Variants in AGBL1 observed in about 807,000 individuals in gnomAD.
AGBL1 encodes the protein cytosolic carboxypeptidase 4.
Under a neutral mutation model 118.9 loss-of-function variants are expected in AGBL1, and 130 were observed. The ratio of observed to expected loss-of-function variants is 1.09; its 90% confidence interval spans 0.95 to 1.26. The LOEUF (loss-of-function observed/expected upper bound fraction) is 1.26. AGBL1 is among the 50% of genes most tolerant of loss of function. AGBL1 has a pLI of 0.00. For synonymous variants in AGBL1, 555 were observed against 478.9 expected (o/e 1.16, Z -2.08); for missense variants, 1,584 against 1,298.1 (o/e 1.22, Z -3.38).
At chr15:86,861,620 A>G (rs1474402952) in intron 22 of AGBL1, among the ~76,000 whole-genome samples, 1 of 152,180 alleles carries the variant, frequency 6.6e-6, no homozygotes, top group Non-Finnish European at 1.5e-5. Context: ...GATGTTATCT[A>G]CTTCACAGAG....
chr15:86,899,244 A>T (rs2080177025), intron 22 of AGBL1, among the ~76,000 whole-genome samples: 1 of 152,232 alleles, frequency 6.6e-6, no homozygotes, highest in Admixed American at 6.5e-5. Context: ...GGGAACGTGG[A>T]TGGAGCTGAA....
At chr15:86,522,615 G>T (rs879619779) in intron 18 of AGBL1, among the ~76,000 whole-genome samples, 195 bp from the exon 19 acceptor site, 2 of 152,226 alleles carry the variant, frequency 1.3e-5, no homozygotes, top group Non-Finnish European at 2.9e-5. Flanking sequence ...TTTGGGGGTT[G>T]TGAATAATTA....
chr15:86,679,443 G>C (rs1261390078), intron 22 of AGBL1, among the ~76,000 whole-genome samples: 2 of 152,000 alleles, frequency 1.3e-5, no homozygotes. Context: ...TGTAACTTCA[G>C]TGAACTCTCT....
chr15:86,346,322 T>C lies in AGBL1; in HGVS notation c.2374+50914T>C, dbSNP rs540687194. On this transcript the variant is annotated intron_variant, in intron 17 of 22. Transcript: ENST00000614907. ...TAAAAAGTACTTAGTTGATATAGGA[T>C]ATAAGCTCATTCTTTCTTTTCTTTT... Among the ~76,000 whole-genome samples the C allele has an allele frequency of 5.2e-4, 79 of 151,476 alleles. 1 individual carries two copies. Among genetic ancestry groups the C allele is most frequent in the Admixed American group, 4.5e-3 (68 of 15,206 alleles).
At chr15:86,535,212 C>T (rs986739075) in intron 19 of AGBL1, among the ~76,000 whole-genome samples, 1 of 152,178 alleles carries the variant, frequency 6.6e-6, no homozygotes, top group African/African-American at 2.4e-5. Context: ...AAAGATCCAG[C>T]CAGAGAGGCG....
intron 3 of AGBL1, among the ~76,000 whole-genome samples, chr15:86,154,147 C>T (rs1441759501): frequency 6.6e-6 from 1 of 151,766 alleles, no homozygotes; most frequent in Non-Finnish European, 1.5e-5. Context: ...AACTTTATTC[C>T]CAATTGAACT....
At chr15:86,992,890 C>T (rs115562354) in intron 24 of AGBL1, among the ~76,000 whole-genome samples, 1,724 of 152,122 alleles carry the variant, frequency 0.011, 32 homozygotes, top group African/African-American at 0.037. Context: ...AGTTTCCTTA[C>T]GGGTGACTGT....
chr15:86,891,418 A>G (rs1379890233), intron 22 of AGBL1, among the ~76,000 whole-genome samples: 1 of 152,078 alleles, frequency 6.6e-6, no homozygotes, highest in Non-Finnish European at 1.5e-5. Flanking sequence ...TCCTTGATTC[A>G]TTAGATCTGA....
chr15:86,319,559 T>C (rs187867353), intron 17 of AGBL1, among the ~76,000 whole-genome samples: 31 of 152,208 alleles, frequency 2.0e-4, no homozygotes, highest in African/African-American at 7.5e-4. Context: ...TGAGGTGTAA[T>C]ACCAATTCTG....
At chr15:86,552,733 G>A (rs751821024) in intron 20 of AGBL1, among the ~76,000 whole-genome samples, 61 of 152,176 alleles carry the variant, frequency 4.0e-4, no homozygotes, top group Non-Finnish European at 6.2e-4. Flanking sequence ...GCACTTTGAA[G>A]GAACAAATAG....
At chr15:86,112,316 A>G (rs1183705904) in intron 1 of AGBL1, among the ~76,000 whole-genome samples, 1 of 152,154 alleles carries the variant, frequency 6.6e-6, no homozygotes, top group African/African-American at 2.4e-5. Flanking sequence ...TTGTCATTCC[A>G]CATCTTGTTC....
chr15:86,433,265 T>C lies in AGBL1; in HGVS notation c.2555+35719T>C, dbSNP rs1162436920. On this transcript the variant is annotated intron_variant, in intron 18 of 22. Coordinates refer to ENST00000614907, the MANE Select transcript of AGBL1 (RefSeq NM_001386094.1). ...TTCTCCTCCTCCTCCTCCTCCTTCT[T>C]CTTTTTTTTTTTTTTTTTTTTTTTT... 2.3e-3 allele frequency among the ~76,000 whole-genome samples: 282 copies of C among 125,030 alleles called. 3 individuals are homozygous for C. Among genetic ancestry groups the C allele is most frequent in the African/African-American group, 8.4e-3 (261 of 31,216 alleles). The allele number at this position is 125,030 out of a possible 152,430, so 82.0% of individuals were successfully genotyped here. A position where few individuals can be genotyped will look rare whatever the true frequency, so the allele number is the denominator to read the frequency against.
intron 21 of AGBL1, among the ~76,000 whole-genome samples, chr15:86,571,841 C>G (rs2142311692): frequency 6.6e-6 from 1 of 152,278 alleles, no homozygotes; most frequent in South Asian, 2.1e-4. Context: ...CCCTCCCTGG[C>G]TTAAAGGTGG....
At chr15:86,344,479 C>T (rs186272229) in intron 17 of AGBL1, among the ~76,000 whole-genome samples, 34 of 152,126 alleles carry the variant, frequency 2.2e-4, no homozygotes, top group Admixed American at 7.9e-4. Context: ...AGTGTACTGG[C>T]TGTGCAGCCA....
intron 1 of AGBL1, among the ~76,000 whole-genome samples, chr15:86,117,152 G>A (rs769372421): frequency 1.4e-4 from 21 of 151,730 alleles, no homozygotes; most frequent in Non-Finnish European, 2.6e-4. Flanking sequence ...AGTGTTCTGG[G>A]GGTCCACACT....
At chr15:86,959,115 A>C (rs1223307574) in intron 23 of AGBL1, among the ~76,000 whole-genome samples, 3 of 152,118 alleles carry the variant, frequency 2.0e-5, no homozygotes, top group Admixed American at 1.3e-4. Context: ...AGATGTACTT[A>C]AGTCGTTAAT....
intron 17 of AGBL1, among the ~76,000 whole-genome samples, chr15:86,367,806 A>G (rs995426535): frequency 1.3e-5 from 2 of 152,200 alleles, no homozygotes; most frequent in African/African-American, 4.8e-5. Context: ...ACACATGAAA[A>G]GAACATAAGT....
At chr15:86,272,629 G>A (rs1327381243) in intron 15 of AGBL1, among the ~76,000 whole-genome samples, 1 of 152,102 alleles carries the variant, frequency 6.6e-6, no homozygotes, top group African/African-American at 2.4e-5. Flanking sequence ...TTTGAAGATA[G>A]GAGTATTGAT....
intron 3 of AGBL1, among the ~76,000 whole-genome samples, chr15:86,145,967 A>G: frequency 6.6e-6 from 1 of 152,230 alleles, no homozygotes; most frequent in East Asian, 1.9e-4. Flanking sequence ...AGAAGTCAGT[A>G]AAGCAAAGAG....
Sources: allele counts gnomAD v4.1 joint callset (sites outside exome capture counted in the v4.1 genomes callset), GRCh38; gene constraint gnomAD v4.1.1; transcripts MANE v1.5; gene names NCBI Gene and HGNC (gene_info 2026-07-23, HGNC 2026-07-21).